The following ZBTB40 variants were observed in gnomAD, a reference collection of about 807,000 sequenced individuals.
The protein encoded by ZBTB40 is zinc finger and BTB domain-containing protein 40.
In ZBTB40, 60 loss-of-function variants were observed where a neutral mutation model predicts 117.5. The ratio of observed to expected loss-of-function variants is 0.51; its 90% CI spans 0.41 to 0.63. ZBTB40 has a LOEUF of 0.63. Ranked by LOEUF, ZBTB40 falls within the 30% of genes least tolerant of loss-of-function variation. ZBTB40 has a pLI of 0.00. For missense variants in ZBTB40, 1,287 were observed against 1,498.5 expected (o/e 0.86, Z 2.33); for synonymous variants, 525 against 577.1 (o/e 0.91, Z 1.29).
In ZBTB40 at chr1:22,481,842, C is replaced by T. The variant is rs1053130184; in HGVS notation, c.-69-8038C>T. Among the ~76,000 whole-genome samples, 9 of 108,786 alleles carry T rather than the reference C, an allele frequency of 8.3e-5. No homozygotes were observed. In the East Asian group the frequency reaches 2.1e-3, roughly 25 times the overall value. The allele number at this position is 108,786 out of a possible 152,430, so 71.4% of individuals were successfully genotyped here. On this transcript the variant is annotated intron_variant, in intron 1 of 17. Coordinates refer to ENST00000375647, the MANE Select transcript of ZBTB40 (RefSeq NM_014870.4). ...CACATTACATTGGTGTAATTTGTTT[C>T]TTAGAAAAACCTCATCAGTGCCTGT...
intron 1 of ZBTB40, among the ~76,000 whole-genome samples, chr1:22,472,002 C>G (rs1641419220): frequency 2.0e-5 from 3 of 152,184 alleles, no homozygotes; most frequent in Admixed American, 2.0e-4. Context: ...CAGGGGCTGG[C>G]TGGGAACTGT....
chr1:22,516,425 A>C (rs1392739839), intron 12 of ZBTB40, among the ~76,000 whole-genome samples: 1 of 151,842 alleles, frequency 6.6e-6, no homozygotes, highest in Non-Finnish European at 1.5e-5. Context: ...GAGCTATACT[A>C]CAGGAGGCAT....
At chr1:22,502,222 T>G in intron 4 of ZBTB40, 77 bp from the exon 5 acceptor site, 1 of 1,526,952 alleles carries the variant, frequency 6.5e-7, no homozygotes, top group Non-Finnish European at 8.9e-7. Context: ...CTGTTAGATC[T>G]CTCTTGACAA....
chr1:22,446,964 A>G (rs773805181), upstream of ZBTB40, among the ~76,000 whole-genome samples: 2 of 152,058 alleles, frequency 1.3e-5, no homozygotes, highest in Non-Finnish European at 2.9e-5. Flanking sequence ...TTAGCTGGGT[A>G]TGGTGGCATG....
chr1:22,454,611 G>A (rs1025496157), intron 1 of ZBTB40, among the ~76,000 whole-genome samples: 3 of 152,212 alleles, frequency 2.0e-5, no homozygotes, highest in African/African-American at 7.2e-5. Flanking sequence ...CAGAGACTAA[G>A]GTGGGTAACA....
At chr1:22,441,151 C>T (rs75643365) in intron 1 of ZBTB40, among the ~76,000 whole-genome samples, 1,750 of 152,174 alleles carry the variant, frequency 0.011, 19 homozygotes, top group Non-Finnish European at 0.018. Context: ...GATTCAATCG[C>T]CTTACTGATT....
At chr1:22,455,980 C>T (rs1640996265) in intron 1 of ZBTB40, among the ~76,000 whole-genome samples, 1 of 152,114 alleles carries the variant, frequency 6.6e-6, no homozygotes, top group Non-Finnish European at 1.5e-5. Flanking sequence ...TGAACCAGCA[C>T]CCTGAGGGAA....
intron 1 of ZBTB40, among the ~76,000 whole-genome samples, chr1:22,429,525 T>G (rs1275381354): frequency 6.6e-6 from 1 of 152,222 alleles, no homozygotes; most frequent in Non-Finnish European, 1.5e-5. Flanking sequence ...CTTCCTCACC[T>G]TACCATCCAA....
chr1:22,449,103 C>A (rs372865359), upstream of ZBTB40, among the ~76,000 whole-genome samples: 1 of 152,002 alleles, frequency 6.6e-6, no homozygotes, highest in Non-Finnish European at 1.5e-5. Context: ...TGTGAGCCAC[C>A]GCAGCCGGCC....
At chr1:22,492,418 CAGGATTCGACT>C (rs1638657621) in intron 3 of ZBTB40, among the ~76,000 whole-genome samples, 2 of 152,192 alleles carry the variant, frequency 1.3e-5, no homozygotes, top group Non-Finnish European at 2.9e-5. Context: ...CCTGACCCTG[CAGGATTCGACT>C]CCACAACCAA....
At chr1:22,499,699 T>C (rs1638874324) in intron 3 of ZBTB40, among the ~76,000 whole-genome samples, 1 of 152,226 alleles carries the variant, frequency 6.6e-6, no homozygotes, top group African/African-American at 2.4e-5. Flanking sequence ...AGGAAACTTT[T>C]AAAGTTTAAT....
chr1:22,502,874 C>T (rs1244023435), intron 5 of ZBTB40, among the ~76,000 whole-genome samples: 19 of 152,058 alleles, frequency 1.2e-4, no homozygotes, highest in Admixed American at 1.2e-3. Context: ...ATGTACTGTA[C>T]ATTTGGAATA....
intron 1 of ZBTB40, among the ~76,000 whole-genome samples, chr1:22,435,506 T>G (rs1356030032): frequency 6.6e-6 from 1 of 152,180 alleles, no homozygotes; most frequent in African/African-American, 2.4e-5. Context: ...ATTTGATTCT[T>G]TAGGGCTTTC....
chr1:22,440,738 C>T (rs1017597471), intron 1 of ZBTB40, among the ~76,000 whole-genome samples: 2 of 151,784 alleles, frequency 1.3e-5, no homozygotes, highest in African/African-American at 4.8e-5. Context: ...CTGAGATAAT[C>T]ATGTGGTTTT....
Position 22,520,202 on chromosome 1 carries a change from T to C in ZBTB40, c.2975T>C (p.Met992Thr). The change falls in exon 14 of 18, where the codon ATG becomes ACG. Residue 992 changes from methionine (M) to threonine (T), a missense_variant. Physicochemically the swap from Met to Thr is moderately conservative, Grantham distance 81. Around this residue, in one of 2 missense-constraint regions of ZBTB40, gnomAD observed 417 missense variants for 564.1 expected, o/e 0.74. Coordinates refer to ENST00000375647, the MANE Select transcript of ZBTB40 (RefSeq NM_014870.4). ...GGGAAGATCTTCAGTGCCCCGTCCA[T>C]GCTGGAGCGGCACGTGGTGACCCAC... ...TCGKIFSAPS[M>T]LERHVVTHVG... 4 of 1,614,100 alleles carry C rather than the reference T, an allele frequency of 2.5e-6. No individual in the cohort carries two copies. The highest frequency in any genetic ancestry group is 3.4e-6 in the Non-Finnish European group (4 of 1,179,980).
At chr1:22,441,527 G>A (rs1264000959) in intron 1 of ZBTB40, among the ~76,000 whole-genome samples, 5 of 122,978 alleles carry the variant, frequency 4.1e-5, no homozygotes, top group African/African-American at 1.4e-4. Context: ...ACCCAGGTTG[G>A]AGTGCAGTGC....
chr1:22,530,958 T>A lies in ZBTB40; in HGVS notation c.*4562T>A, dbSNP rs1639812498. 1 of 152,216 alleles carries A rather than the reference T, an allele frequency of 6.6e-6. No individual in the cohort carries two copies. The highest frequency in any genetic ancestry group is 2.1e-4 in the South Asian group (1 of 4,820). 9.4% of individuals were successfully genotyped at this position (152,216 alleles called of 1,614,324 possible). On this transcript the variant is annotated 3_prime_UTR_variant, in exon 18 of 18. Transcript: ENST00000375647. Reference sequence around the variant, plus strand: ...GGTGTCCAGCCTGGGTACATCCAGCTGTCCCGCTGTCTAACTGACATTGTG... The same window carrying A: ...GGTGTCCAGCCTGGGTACATCCAGCAGTCCCGCTGTCTAACTGACATTGTG...
chr1:22,467,784 T>G (rs1641292295), intron 1 of ZBTB40, among the ~76,000 whole-genome samples: 3 of 151,552 alleles, frequency 2.0e-5, no homozygotes, highest in Admixed American at 1.3e-4. Context: ...CTGTTTTTTT[T>G]TTTTTTTTTT....
chr1:22,468,643 C>CTTTTTT (rs71020424), intron 1 of ZBTB40, among the ~76,000 whole-genome samples: 11 of 28,608 alleles, frequency 3.8e-4, no homozygotes, highest in Admixed American at 6.5e-4. Flanking sequence ...GCCTGGCTGG[C>CTTTTTT]TTTTTTTTTT....
Sources: gnomAD v4.1 joint callset for allele counts (sites outside exome capture counted in the v4.1 genomes callset) on GRCh38, gnomAD v4.1.1 for gene constraint, gnomAD v4.1.1 regional missense constraint, MANE v1.5 for transcripts, NCBI Gene and HGNC (gene_info 2026-07-23, HGNC 2026-07-21) for gene names.